Variants in KLHL6 observed in about 807,000 individuals in gnomAD.
KLHL6 encodes kelch-like protein 6.
Under a neutral mutation model 58.6 loss-of-function variants are expected in KLHL6, and 41 were observed. That is an observed-to-expected ratio of 0.70 (90% CI 0.55 to 0.91). The LOEUF is 0.91. Ranked by LOEUF, KLHL6 falls within the 40% of genes least tolerant of loss-of-function variation. The probability of loss-of-function intolerance (pLI) is 0.00; values close to 1 mark genes in which losing one functional copy is unlikely to be tolerated. For synonymous variants in KLHL6, 338 were observed against 322.7 expected, an observed-to-expected ratio of 1.05 and a Z score of -0.51; for missense variants, 714 against 805.6, an observed-to-expected ratio of 0.89 and a Z score of 1.38.
At chr3:183,545,457 G>T (rs975752506) in intron 1 of KLHL6, among the ~76,000 whole-genome samples, 1 of 152,176 alleles carries the variant, frequency 6.6e-6, no homozygotes, top group Non-Finnish European at 1.5e-5. Flanking sequence ...TATGAATGAT[G>T]AAAATATTTC....
chr3:183,492,795 G>A lies in KLHL6; in HGVS notation c.1351-88C>T. The stretch of plus-strand genomic sequence containing the variant: ...TCCCAGGATACAGGACAGAGCTCCG[G>A]GACACAGAACTGGGCATCTTTTGCC... On this transcript the variant is annotated intron_variant, in intron 5 of 6. Coordinates refer to ENST00000341319, the MANE Select transcript of KLHL6 (RefSeq NM_130446.4). This position sits in a 1 kb window ranked among gnomAD's most constrained non-coding sequence, Gnocchi z 5.9. The A allele has an allele frequency of 2.4e-6, 3 of 1,254,248 alleles. No homozygotes were observed. Among genetic ancestry groups the A allele is most frequent in the Non-Finnish European group, 3.4e-6 (3 of 881,368 alleles). 77.7% of individuals were successfully genotyped at this position (1,254,248 alleles called of 1,614,324 possible).
Position 183,489,173 on chromosome 3 carries a change from T to C in KLHL6, c.*2754A>G, listed in dbSNP as rs1436558031. 2 of 152,206 alleles carry C rather than the reference T, an allele frequency of 1.3e-5. No homozygotes were observed. Among genetic ancestry groups the C allele is most frequent in the African/African-American group, 4.8e-5 (2 of 41,448 alleles). 9.4% of individuals were successfully genotyped at this position (152,206 alleles called of 1,614,324 possible). On this transcript the variant is annotated 3_prime_UTR_variant, in exon 7 of 7. Transcript: ENST00000341319. The stretch of plus-strand genomic sequence containing the variant: ...ATCCCCTCCCTGACTAGGGGCGCTG[T>C]CTTTTTGAAGGGAGGCTCCCTGTGT...
intron 2 of KLHL6, among the ~76,000 whole-genome samples, chr3:183,515,815 A>G (rs889101823): frequency 6.6e-6 from 1 of 152,202 alleles, no homozygotes; most frequent in Non-Finnish European, 1.5e-5. Context: ...GAAAGTCTGG[A>G]AAAAGAAGAG....
At position 183,555,352 on chromosome 3, in the gene KLHL6, C is replaced by T; in HGVS notation, c.293+9G>A. ...CACCCAATTTGACTCTGGTCCTAGGCATGCTGACCTGAAATAGTTGCTGGC... is the reference window on the plus strand; with the variant it reads ...CACCCAATTTGACTCTGGTCCTAGGTATGCTGACCTGAAATAGTTGCTGGC... On this transcript the variant is annotated intron_variant, in intron 1 of 6. Coordinates refer to ENST00000341319, the MANE Select transcript of KLHL6 (RefSeq NM_130446.4). 6.2e-7 allele frequency: 1 copy of T among 1,612,474 alleles called. No homozygotes were observed. The highest frequency in any genetic ancestry group is 8.5e-7 in the Non-Finnish European group (1 of 1,178,874).
At chr3:183,517,885 G>A (rs1237569968) in intron 2 of KLHL6, among the ~76,000 whole-genome samples, 1 of 152,198 alleles carries the variant, frequency 6.6e-6, no homozygotes, top group African/African-American at 2.4e-5. Flanking sequence ...TGTGGTTTGT[G>A]TGTGTGTGCG....
chr3:183,494,242 G>T lies in KLHL6; in HGVS notation c.1187C>A (p.Ser396Tyr), dbSNP rs1164485033. The change falls in exon 5 of 7, where the codon TCT becomes TAT. Residue 396 changes from serine (S) to tyrosine (Y), a missense_variant. Coordinates refer to ENST00000341319, the MANE Select transcript of KLHL6 (RefSeq NM_130446.4). ...AATCTGAATCCACTTGTTGATCGAA[G>T]AATTATATTTCCAAACATCATGCTG... ...ETQHDVWKYN[S>Y]SINKWIQIEY... The T allele has an allele frequency of 6.2e-7, 1 of 1,613,900 alleles. No individual in the cohort carries two copies. Among genetic ancestry groups the T allele is most frequent in the Non-Finnish European group, 8.5e-7 (1 of 1,179,894 alleles).
chr3:183,513,634 T>G (rs1718249973), intron 2 of KLHL6, among the ~76,000 whole-genome samples: 1 of 152,186 alleles, frequency 6.6e-6, no homozygotes, highest in South Asian at 2.1e-4. Flanking sequence ...GAAGAAGCAT[T>G]GATCTTCACT....
rs1322667120 is a variant in KLHL6 at position 183,508,175 on chromosome 3, G to A, written c.793C>T (p.Leu265Phe). Residue 265 changes from leucine (L) to phenylalanine (F), a missense_variant, in exon 3 of 7, where the codon CTT becomes TTT. Physicochemically the swap from Leu to Phe is conservative, Grantham distance 22. Transcript: ENST00000341319. The part of the protein sequence containing the change: ...PYVLENVRLP[L>F]LDPWYFVETV... Reference sequence around the variant, plus strand: ...TCCACAAAGTACCACGGGTCCAGAAGCGGTAAGCGCACGTTCTCGAGGACA... The same window carrying A: ...TCCACAAAGTACCACGGGTCCAGAAACGGTAAGCGCACGTTCTCGAGGACA... 6.2e-7 allele frequency: 1 copy of A among 1,614,086 alleles called. No individual in the cohort carries two copies. Among genetic ancestry groups the A allele is most frequent in the Non-Finnish European group, 8.5e-7 (1 of 1,180,050 alleles).
rs1294757568 is a variant in KLHL6 at position 183,499,385 on chromosome 3, A to G, written c.1147+205T>C. On this transcript the variant is annotated intron_variant, in intron 4 of 6. Coordinates refer to ENST00000341319, the MANE Select transcript of KLHL6 (RefSeq NM_130446.4). This position sits in a 1 kb window ranked among gnomAD's most constrained non-coding sequence, Gnocchi z 4.6. Reference sequence around the variant, plus strand: ...AGAAAAGAAAAGAAAAAAATAGTACAATGTTGCTCAGTTTTTTGTTTATTA... The same window carrying G: ...AGAAAAGAAAAGAAAAAAATAGTACGATGTTGCTCAGTTTTTTGTTTATTA... Among the ~76,000 whole-genome samples the G allele has an allele frequency of 6.6e-6, 1 of 152,070 alleles. No homozygotes were observed. Among genetic ancestry groups the G allele is most frequent in the African/African-American group, 2.4e-5 (1 of 41,426 alleles).
chr3:183,544,058 G>A (rs1357365313), intron 1 of KLHL6, among the ~76,000 whole-genome samples: 1 of 151,896 alleles, frequency 6.6e-6, no homozygotes, highest in African/African-American at 2.4e-5. Flanking sequence ...AGCTACTCGG[G>A]CGGCTGAGGC....
chr3:183,552,741 A>G (rs1407414151), intron 1 of KLHL6, among the ~76,000 whole-genome samples: 1 of 149,770 alleles, frequency 6.7e-6, no homozygotes, highest in African/African-American at 2.5e-5. Flanking sequence ...AAAAAAAAAA[A>G]AGAAAGCCTC....
At chr3:183,520,407 A>G (rs1711716710) in intron 2 of KLHL6, 1 of 152,162 alleles carries the variant, frequency 6.6e-6, no homozygotes, top group African/African-American at 2.4e-5. Flanking sequence ...GTGGGACAAG[A>G]GACTGAGAAA....
chr3:183,506,641 A>G (rs971055347), intron 3 of KLHL6, among the ~76,000 whole-genome samples: 1 of 152,080 alleles, frequency 6.6e-6, no homozygotes, highest in South Asian at 2.1e-4. Context: ...CAGCCTGGGC[A>G]ACATAGTGAG....
intron 1 of KLHL6, among the ~76,000 whole-genome samples, chr3:183,533,172 C>A (rs1212206360): frequency 6.6e-6 from 1 of 152,166 alleles, no homozygotes; most frequent in African/African-American, 2.4e-5. Context: ...CATCTCAACA[C>A]GGAGGGGATT....
intron 1 of KLHL6, 92 bp downstream of exon 1, chr3:183,555,269 C>A: frequency 2.9e-6 from 3 of 1,028,582 alleles, no homozygotes; most frequent in Non-Finnish European, 4.4e-6. Context: ...CCATAAATAT[C>A]ATGGCCAACT....
chr3:183,508,457 G>A lies in KLHL6; in HGVS notation c.511C>T (p.Pro171Ser). The change falls in exon 3 of 7, where the codon CCA becomes TCA. Residue 171 changes from proline (P) to serine (S), a missense_variant. Physicochemically the swap from Pro to Ser is moderately conservative, Grantham distance 74 (BLOSUM62 -1). Around this residue, in one of 2 missense-constraint regions of KLHL6, gnomAD observed 510 missense variants for 629.7 expected, o/e 0.81. Coordinates refer to ENST00000341319, the MANE Select transcript of KLHL6 (RefSeq NM_130446.4). ...CTCAGTATTCCAACGCAGTTTTCTG[G>A]GTTCAAGGCTTCAGTGAGGAAGCTG... ...CASFLTEALN[P>S]ENCVGILRLA... 3 of 1,614,150 alleles carry A rather than the reference G, an allele frequency of 1.9e-6. No homozygotes were observed. Among genetic ancestry groups the A allele is most frequent in the Non-Finnish European group, 2.5e-6 (3 of 1,180,034 alleles).
intron 3 of KLHL6, among the ~76,000 whole-genome samples, chr3:183,507,260 T>C (rs143126577): frequency 1.8e-4 from 27 of 152,148 alleles, no homozygotes; most frequent in African/African-American, 6.0e-4. Context: ...GGGAGGAAGA[T>C]GAGTTTTGAG....
intron 1 of KLHL6, among the ~76,000 whole-genome samples, chr3:183,554,633 A>T (rs554452731): frequency 6.6e-6 from 1 of 152,332 alleles, no homozygotes; most frequent in South Asian, 2.1e-4. Context: ...ATTTGTAACA[A>T]GTCATTTGAC....
chr3:183,518,187 G>T (rs2108679979), intron 2 of KLHL6, among the ~76,000 whole-genome samples: 1 of 152,272 alleles, frequency 6.6e-6, no homozygotes, highest in South Asian at 2.1e-4. Flanking sequence ...GGAGTTGGAA[G>T]TTCTGGGTTT....
Sources: allele counts gnomAD v4.1 joint callset (sites outside exome capture counted in the v4.1 genomes callset), GRCh38; gene constraint gnomAD v4.1.1; regional missense constraint gnomAD v4.1.1; non-coding constraint Gnocchi (gnomAD v3.1); transcripts MANE v1.5; gene names NCBI Gene and HGNC (gene_info 2026-07-23, HGNC 2026-07-21).